The following AVL9 variants were observed in gnomAD, a reference collection of about 807,000 sequenced individuals.
AVL9 encodes the protein late secretory pathway protein AVL9 homolog.
A neutral mutation model predicts 79.2 loss-of-function variants in AVL9; 49 were observed. The observed-to-expected ratio is 0.62, with a 90% confidence interval of 0.49 to 0.79. The LOEUF is 0.79. AVL9 is among the 30% of genes least tolerant of loss of function. The pLI, the probability that AVL9 is intolerant of heterozygous loss-of-function variation, is 0.00. For missense variants in AVL9, 682 were observed against 776.8 expected, an observed-to-expected ratio of 0.88 and a Z score of 1.45; for synonymous variants, 299 against 280.6, an observed-to-expected ratio of 1.07 and a Z score of -0.65.
At chr7:32,557,433 C>T (rs1429131521) in intron 8 of AVL9, among the ~76,000 whole-genome samples, 3 of 152,156 alleles carry the variant, frequency 2.0e-5, no homozygotes, top group Non-Finnish European at 4.4e-5. Context: ...AAAGGTATTC[C>T]ACCTTTGTCT....
At chr7:32,529,437 C>T (rs1788548944) in intron 1 of AVL9, among the ~76,000 whole-genome samples, 1 of 152,156 alleles carries the variant, frequency 6.6e-6, no homozygotes, top group Admixed American at 6.5e-5. Context: ...GAATAAGTGA[C>T]TCCATTCTGG....
chr7:32,562,782 C>A, intron 10 of AVL9: 1 of 185,278 alleles, frequency 5.4e-6, no homozygotes, highest in Non-Finnish European at 1.0e-5. Context: ...ATTATCTGGA[C>A]ATGGTGGCAT....
At chr7:32,535,169 G>T (rs538158860) in intron 1 of AVL9, 1 of 152,328 alleles carries the variant, frequency 6.6e-6, no homozygotes, top group East Asian at 1.9e-4. Context: ...ATATACTGGT[G>T]TCCTACAGAC....
intron 8 of AVL9, among the ~76,000 whole-genome samples, chr7:32,556,590 T>C (rs565377759): frequency 6.6e-6 from 1 of 152,192 alleles, no homozygotes; most frequent in African/African-American, 2.4e-5. Context: ...TTTTTAAAAA[T>C]GAACCCAGCA....
At chr7:32,541,280 A>C (rs1386665397) in intron 1 of AVL9, among the ~76,000 whole-genome samples, 5 of 152,098 alleles carry the variant, frequency 3.3e-5, no homozygotes, top group African/African-American at 9.7e-5. Flanking sequence ...CATCATGAGA[A>C]TTGGGGTACA....
At chr7:32,554,799 A>G (rs1401302794) in intron 8 of AVL9, among the ~76,000 whole-genome samples, 1 of 152,170 alleles carries the variant, frequency 6.6e-6, no homozygotes, top group Non-Finnish European at 1.5e-5. Context: ...ATACAACTCA[A>G]TTTTAAGCTG....
intron 1 of AVL9, among the ~76,000 whole-genome samples, chr7:32,542,553 CAAAAAGA>C (rs912481573): frequency 4.6e-5 from 7 of 151,406 alleles, no homozygotes; most frequent in East Asian, 1.9e-4. Flanking sequence ...GAGACTGTCT[CAAAAAGA>C]AAAAAGAAAA....
chr7:32,568,012 G>A (rs1032336568), intron 10 of AVL9, among the ~76,000 whole-genome samples: 27 of 151,692 alleles, frequency 1.8e-4, no homozygotes, highest in African/African-American at 4.6e-4. Flanking sequence ...GAGCCATCGC[G>A]CCCAGCCCTT....
chr7:32,578,683 C>G (rs1249913453), intron 13 of AVL9, among the ~76,000 whole-genome samples: 1 of 151,970 alleles, frequency 6.6e-6, no homozygotes, highest in Non-Finnish European at 1.5e-5. Context: ...GTGGTACATG[C>G]CTGTACTCCC....
chr7:32,535,482 T>C (rs1029507085), intron 1 of AVL9: 1 of 152,230 alleles, frequency 6.6e-6, no homozygotes, highest in Admixed American at 6.5e-5. Context: ...AACTACTGAT[T>C]TACTTTTTGT....
At chr7:32,576,337 G>C (rs1208879539) in intron 13 of AVL9, among the ~76,000 whole-genome samples, 1 of 152,150 alleles carries the variant, frequency 6.6e-6, no homozygotes, top group Non-Finnish European at 1.5e-5. Flanking sequence ...CCTGGCACTT[G>C]GTGATGCTCA....
At chr7:32,517,166 T>A (rs1303549818) in intron 1 of AVL9, among the ~76,000 whole-genome samples, 1 of 152,228 alleles carries the variant, frequency 6.6e-6, no homozygotes, top group Admixed American at 6.5e-5. Flanking sequence ...TGTATGTGTG[T>A]GTTTATGTGT....
intron 1 of AVL9, among the ~76,000 whole-genome samples, chr7:32,517,845 T>A (rs10274254): frequency 6.6e-6 from 1 of 150,816 alleles, no homozygotes; most frequent in Non-Finnish European, 1.5e-5. Context: ...GTTTTGTTTT[T>A]TTTTGAAACA....
intron 1 of AVL9, among the ~76,000 whole-genome samples, chr7:32,513,661 A>G (rs1787784013): frequency 6.6e-6 from 1 of 152,338 alleles, no homozygotes. Context: ...GGTGGAGACG[A>G]GAGACTGAGA....
intron 1 of AVL9, chr7:32,535,840 T>C (rs978345003): frequency 6.6e-6 from 1 of 152,102 alleles, no homozygotes; most frequent in African/African-American, 2.4e-5. Context: ...GTAGAGGTAA[T>C]TGGATCATGG....
rs1467270707 is a variant in AVL9, at chr7:32,559,327, A to G, written c.1078A>G (p.Lys360Glu). ...ATCAGACCAGACAAATTTGTTTCCA[A>G]AGGACTCTGTCCCCTCAGAGAGTCT... ...LGSDQTNLFP[K>E]DSVPSESLPI... Residue 360 changes from lysine (K) to glutamate (E), a missense_variant, in exon 10 of 16, where the codon AAG becomes GAG. Coordinates refer to ENST00000318709, the MANE Select transcript of AVL9 (RefSeq NM_015060.3). 1.9e-6 allele frequency: 3 copies of G among 1,614,204 alleles called. No individual in the cohort carries two copies. Among genetic ancestry groups the G allele is most frequent in the Non-Finnish European group, 2.5e-6 (3 of 1,180,044 alleles).
In AVL9 at chr7:32,584,019, C is replaced by A. The variant is rs539839883; in HGVS notation, c.*112C>A. ...CCACAGCAGGGGACCATATGTCGAA[C>A]TGTTTACATGGATGTTGCTCTAAGT... On this transcript the variant is annotated 3_prime_UTR_variant, in exon 16 of 16. Coordinates refer to ENST00000318709, the MANE Select transcript of AVL9 (RefSeq NM_015060.3). 1.8e-4 allele frequency: 141 copies of A among 772,294 alleles called. 1 individual carries two copies. The highest frequency in any genetic ancestry group is 1.3e-4 in the Non-Finnish European group (57 of 432,014). The allele number at this position is 772,294 out of a possible 1,614,324, so 47.8% of individuals were successfully genotyped here.
chr7:32,524,547 CACACACACACAG>C (rs1788317869), intron 1 of AVL9, among the ~76,000 whole-genome samples: 2 of 115,680 alleles, frequency 1.7e-5, no homozygotes, highest in African/African-American at 3.0e-5. Flanking sequence ...CACACACACA[CACACACACACAG>C]AGAGAAAAGA....
chr7:32,570,780 C>T (rs909924645), intron 11 of AVL9, among the ~76,000 whole-genome samples: 25 of 151,122 alleles, frequency 1.7e-4, no homozygotes, highest in African/African-American at 3.2e-4. Context: ...CCACCACGCT[C>T]GGCTAATTTT....
Sources: allele counts gnomAD v4.1 joint callset (sites outside exome capture counted in the v4.1 genomes callset), GRCh38; gene constraint gnomAD v4.1.1; transcripts MANE v1.5; gene names NCBI Gene and HGNC (gene_info 2026-07-23, HGNC 2026-07-21).